NAV2: variants seen among roughly 807,000 people sequenced by gnomAD.
NAV2 encodes the protein neuron navigator 2.
A neutral mutation model predicts 223.2 loss-of-function variants in NAV2; 54 were observed. The observed-to-expected ratio is 0.24, with a 90% CI of 0.19 to 0.30. The LOEUF is 0.30. Among genes scored for constraint, NAV2 ranks in the 10% least tolerant of loss-of-function variants. The pLI is 1.00. For missense variants in NAV2, 2,806 were observed against 3,147.5 expected (o/e 0.89, Z 2.60); for synonymous variants, 1,279 against 1,239.3 (o/e 1.03, Z -0.67).
rs566310863 is a variant in NAV2, at chr11:19,499,282, G to A, written c.75+148255G>A. Among the ~76,000 whole-genome samples the A allele has an allele frequency of 2.6e-4, 40 of 152,338 alleles. No homozygotes were observed. In the East Asian group the frequency reaches 7.3e-3, roughly 28 times the overall value. On this transcript the variant is annotated intron_variant, in intron 1 of 37. Transcript: ENST00000360655. ...AACCTAAGATTGAAGTGAACCAGGG[G>A]TTACAGTAATGATGATAAATTGTTC...
rs1364064420 is a variant in NAV2, at chr11:20,121,126, T to G, written c.*2868T>G. The G allele has an allele frequency of 1.3e-5, 2 of 152,538 alleles. No individual in the cohort carries two copies. Among genetic ancestry groups the G allele is most frequent in the Non-Finnish European group, 2.9e-5 (2 of 68,044 alleles). 9.4% of individuals were successfully genotyped at this position (152,538 alleles called of 1,614,324 possible). On this transcript the variant is annotated 3_prime_UTR_variant, in exon 38 of 38. Coordinates refer to ENST00000349880, the MANE Select transcript of NAV2 (RefSeq NM_145117.5). ...TGGGGACTTTTACTTTGTTGTTTGA[T>G]GCTTAAACTTCAAAATTCTCTGTAT...
At chr11:19,632,038 G>A (rs1301960403) in intron 1 of NAV2, among the ~76,000 whole-genome samples, 1 of 152,242 alleles carries the variant, frequency 6.6e-6, no homozygotes, top group African/African-American at 2.4e-5. Context: ...CCACCCGCCA[G>A]GGAACATGCC....
At chr11:19,682,230 C>T (rs1031185108) in intron 1 of NAV2, among the ~76,000 whole-genome samples, 1 of 152,184 alleles carries the variant, frequency 6.6e-6, no homozygotes, top group African/African-American at 2.4e-5. Flanking sequence ...AAAGAAGGGG[C>T]TGGTGATAAT....
intron 31 of NAV2, among the ~76,000 whole-genome samples, chr11:20,099,613 T>A (rs2061494745): frequency 6.6e-6 from 1 of 152,162 alleles, no homozygotes; most frequent in South Asian, 2.1e-4. Context: ...TACTTAAAAC[T>A]TATGCCTTCA....
intron 1 of NAV2, among the ~76,000 whole-genome samples, chr11:19,416,474 T>C (rs920533449): frequency 1.3e-5 from 2 of 152,226 alleles, no homozygotes; most frequent in African/African-American, 4.8e-5. Context: ...AAACATTCCA[T>C]GCTCATGGAT....
chr11:19,822,070 GT>G (rs1470004013), intron 1 of NAV2, among the ~76,000 whole-genome samples: 1 of 152,182 alleles, frequency 6.6e-6, no homozygotes, highest in Non-Finnish European at 1.5e-5. Flanking sequence ...GGAATCCCTT[GT>G]TTGTAAAGTG....
chr11:19,838,265 A>C (rs1045133440), intron 2 of NAV2, among the ~76,000 whole-genome samples: 4 of 152,204 alleles, frequency 2.6e-5, no homozygotes, highest in African/African-American at 9.7e-5. Context: ...GGCATGGTTG[A>C]GGACCCACTC....
At position 19,906,756 on chromosome 11, in the gene NAV2, G is replaced by A. The variant is rs557106206; in HGVS notation, c.931+14162G>A. Among the ~76,000 whole-genome samples the A allele has an allele frequency of 1.1e-3, 161 of 152,270 alleles. 2 individuals carry two copies. The highest frequency in any genetic ancestry group is 3.8e-3 in the African/African-American group (157 of 41,564). ...GCACAAGCACCACTTGCTTTATGAGGCCCCTGTGGCCAAGGAAAGAAGGTA... is the reference window on the plus strand; with the variant it reads ...GCACAAGCACCACTTGCTTTATGAGACCCCTGTGGCCAAGGAAAGAAGGTA... On this transcript the variant is annotated intron_variant, in intron 6 of 37. Coordinates refer to ENST00000349880, the MANE Select transcript of NAV2 (RefSeq NM_145117.5).
chr11:20,036,374 A>G (rs2056376160), intron 12 of NAV2, among the ~76,000 whole-genome samples: 1 of 152,222 alleles, frequency 6.6e-6, no homozygotes, highest in Non-Finnish European at 1.5e-5. Context: ...CCTCGGTTTC[A>G]TAATTTGTTT....
At chr11:19,686,855 C>G (rs1386565937) in intron 1 of NAV2, among the ~76,000 whole-genome samples, 3 of 152,218 alleles carry the variant, frequency 2.0e-5, no homozygotes, top group Non-Finnish European at 2.9e-5. Context: ...TTAATGGATA[C>G]TTCTTAGTTT....
chr11:19,683,683 A>G (rs149823638), intron 1 of NAV2, among the ~76,000 whole-genome samples: 40 of 152,364 alleles, frequency 2.6e-4, no homozygotes, highest in African/African-American at 9.1e-4. Context: ...CTGGGCTTCC[A>G]GTCGGGTCTG....
chr11:19,779,810 T>C lies in NAV2; in HGVS notation c.268-52674T>C, dbSNP rs1483406217. Among the ~76,000 whole-genome samples, 5 of 152,210 alleles carry C rather than the reference T, an allele frequency of 3.3e-5. No homozygotes were observed. The South Asian group carries it at 8.3e-4, about 25-fold the overall frequency. ...GTTGTACTGTTGGGTGAATGGTTGG[T>C]TCTTCTAATGGGCCCTGGGAAAACA... On this transcript the variant is annotated intron_variant, in intron 1 of 37. Transcript: ENST00000349880.
intron 1 of NAV2, among the ~76,000 whole-genome samples, chr11:19,651,346 G>A (rs1054678060): frequency 5.9e-5 from 9 of 152,228 alleles, no homozygotes; most frequent in African/African-American, 9.6e-5. Flanking sequence ...TAGGCCCCAA[G>A]GTGGAGAAGA....
At chr11:20,071,463 T>C (rs2059400339) in intron 22 of NAV2, among the ~76,000 whole-genome samples, 2 of 152,202 alleles carry the variant, frequency 1.3e-5, no homozygotes, top group Non-Finnish European at 2.9e-5. Context: ...TATAATCCTT[T>C]GGGGGTATAT....
chr11:19,419,639 C>T (rs925538478), intron 1 of NAV2, among the ~76,000 whole-genome samples: 2 of 152,168 alleles, frequency 1.3e-5, no homozygotes, highest in East Asian at 3.9e-4. Context: ...AAGGATCTTC[C>T]ATTTGTTTAC....
At chr11:19,985,601 G>C (rs1429835823) in intron 11 of NAV2, among the ~76,000 whole-genome samples, 1 of 151,774 alleles carries the variant, frequency 6.6e-6, no homozygotes, top group Non-Finnish European at 1.5e-5. Flanking sequence ...TTTTGAGACA[G>C]AGTCTCACTC....
intron 1 of NAV2, among the ~76,000 whole-genome samples, chr11:19,459,341 T>C (rs1852072658): frequency 6.6e-6 from 1 of 152,206 alleles, no homozygotes; most frequent in African/African-American, 2.4e-5. Flanking sequence ...GCCAACAGCC[T>C]TATGGTCAAA....
chr11:19,634,090 C>A (rs1474470776), intron 1 of NAV2, among the ~76,000 whole-genome samples: 1 of 152,230 alleles, frequency 6.6e-6, no homozygotes, highest in Non-Finnish European at 1.5e-5. Context: ...CCACAACATG[C>A]AGAGAGGCCA....
At chr11:19,804,336 A>T (rs951899901) in intron 1 of NAV2, among the ~76,000 whole-genome samples, 4 of 152,246 alleles carry the variant, frequency 2.6e-5, no homozygotes, top group African/African-American at 9.6e-5. Flanking sequence ...ACCTCAGTGC[A>T]GTGGCAATTA....
Sources: gnomAD v4.1 joint callset for allele counts (sites outside exome capture counted in the v4.1 genomes callset) on GRCh38, gnomAD v4.1.1 for gene constraint, MANE v1.5 for transcripts, NCBI Gene and HGNC (gene_info 2026-07-23, HGNC 2026-07-21) for gene names.